MYLK: variants seen among roughly 807,000 people sequenced by gnomAD.
MYLK encodes the protein myosin light chain kinase.
Under a neutral mutation model 203.4 loss-of-function variants are expected in MYLK, and 106 were observed. The ratio of observed to expected loss-of-function variants is 0.52; its 90% CI spans 0.45 to 0.61. The LOEUF (loss-of-function observed/expected upper bound fraction) is 0.61, where lower values mean the gene tolerates loss of function less well. MYLK is among the 20% of genes least tolerant of loss of function. The pLI, the probability that MYLK is intolerant of heterozygous loss-of-function variation, is 0.00. For synonymous variants in MYLK, 867 were observed against 959.5 expected (o/e 0.90, Z 1.78); for missense variants, 2,072 against 2,442.3 (o/e 0.85, Z 3.20).
chr3:123,640,147 G>C lies in MYLK; in HGVS notation c.4837+140C>G, dbSNP rs536760847. On this transcript the variant is annotated intron_variant, in intron 28 of 33. Transcript: ENST00000360304. This position sits in a 1 kb window ranked among gnomAD's most constrained non-coding sequence, Gnocchi z 4.3. The stretch of plus-strand genomic sequence containing the variant: ...TTACTGTCACGTCTAGTATGTGGTA[G>C]GGGCAGGATTCAAACCTGGGAAGTC... 67 of 769,712 alleles carry C rather than the reference G, an allele frequency of 8.7e-5. No individual in the cohort carries two copies. The highest frequency in any genetic ancestry group is 4.7e-4 in the Admixed American group (23 of 49,374). The allele number at this position is 769,712 out of a possible 1,614,324, so 47.7% of individuals were successfully genotyped here. A position where few individuals can be genotyped will look rare whatever the true frequency, so the allele number is the denominator to read the frequency against.
At chr3:123,769,067 C>T (rs2063793051) in intron 4 of MYLK, among the ~76,000 whole-genome samples, 1 of 152,176 alleles carries the variant, frequency 6.6e-6, no homozygotes. Flanking sequence ...ACAGTTCAGA[C>T]TACTTAAAAT....
chr3:123,740,417 C>A (rs576228278), intron 5 of MYLK, among the ~76,000 whole-genome samples: 1 of 152,210 alleles, frequency 6.6e-6, no homozygotes, highest in African/African-American at 2.4e-5. Flanking sequence ...CTCTCCAGAA[C>A]ATTTTCTCAG....
At chr3:123,777,988 G>A (rs533413176) in intron 4 of MYLK, among the ~76,000 whole-genome samples, 32 of 152,208 alleles carry the variant, frequency 2.1e-4, no homozygotes, top group African/African-American at 7.7e-4. Context: ...ACTGTACAGT[G>A]CTTATTTCTG....
chr3:123,735,732 A>C, intron 8 of MYLK: 2 of 363,474 alleles, frequency 5.5e-6, no homozygotes, highest in East Asian at 4.8e-5. Flanking sequence ...AAAATTCCAA[A>C]CCCAAATGCT....
intron 3 of MYLK, among the ~76,000 whole-genome samples, chr3:123,820,696 T>C (rs1003266512): frequency 6.6e-6 from 1 of 150,826 alleles, no homozygotes; most frequent in Non-Finnish European, 1.5e-5. Context: ...CCCTCCTTCC[T>C]TCCTTCCTTC....
intron 20 of MYLK, among the ~76,000 whole-genome samples, chr3:123,678,153 C>T (rs1411751380): frequency 5.9e-5 from 9 of 151,950 alleles, no homozygotes; most frequent in African/African-American, 1.9e-4. Context: ...TCCTAAGGTG[C>T]TCCCAGTGCA....
chr3:123,795,688 G>A (rs889202246), intron 3 of MYLK, among the ~76,000 whole-genome samples: 2 of 152,218 alleles, frequency 1.3e-5, no homozygotes, highest in Admixed American at 6.5e-5. Flanking sequence ...TCCAAGTGCA[G>A]GTGGGGACAG....
intron 16 of MYLK, among the ~76,000 whole-genome samples, chr3:123,702,057 G>A (rs149750624): frequency 0.021 from 3,199 of 152,312 alleles, 116 homozygotes; most frequent in African/African-American, 0.071. Flanking sequence ...AACCCAACAA[G>A]TGTTTTCCTA....
chr3:123,682,335 A>G lies in MYLK; in HGVS notation c.3566-25T>C, dbSNP rs751069575. ...TCTGGAATGAAACAGGTAACAATAAATGTTAGCAGCTGCTGAGGAAATGAG... is the reference window on the plus strand; with the variant it reads ...TCTGGAATGAAACAGGTAACAATAAGTGTTAGCAGCTGCTGAGGAAATGAG... On this transcript the variant is annotated intron_variant, in intron 19 of 33. Coordinates refer to ENST00000360304, the MANE Select transcript of MYLK (RefSeq NM_053025.4). The G allele has an allele frequency of 2.6e-6, 4 of 1,545,712 alleles. No individual in the cohort carries two copies. In the African/African-American group the frequency reaches 5.4e-5, roughly 21 times the overall value.
intron 3 of MYLK, among the ~76,000 whole-genome samples, chr3:123,812,849 A>G (rs1383892081): frequency 6.6e-6 from 1 of 152,166 alleles, no homozygotes; most frequent in Non-Finnish European, 1.5e-5. Context: ...AGTGCTCCCA[A>G]GATGTCCAGC....
intron 4 of MYLK, among the ~76,000 whole-genome samples, chr3:123,789,659 C>CAAA (rs745766578): frequency 8.9e-5 from 7 of 78,692 alleles, no homozygotes; most frequent in Non-Finnish European, 1.3e-4. Context: ...GCTGGCAAAG[C>CAAA]AAAAAAAAAA....
rs778090693 is a variant in MYLK at position 123,707,811 on chromosome 3, G to T, written c.2333C>A (p.Thr778Asn). 1.9e-6 allele frequency: 3 copies of T among 1,614,092 alleles called. No individual in the cohort carries two copies. The highest frequency in any genetic ancestry group is 2.5e-6 in the Non-Finnish European group (3 of 1,180,042). Residue 778 changes from threonine to asparagine, a missense_variant, in exon 16 of 34, where the codon ACC becomes AAC. Around this residue, in one of 3 missense-constraint regions of MYLK, gnomAD observed 865 missense variants for 1,016.0 expected, o/e 0.85. Coordinates refer to ENST00000360304, the MANE Select transcript of MYLK (RefSeq NM_053025.4). ...GGGCTGCACCTTCTTTAGAACCAGG[G>T]TGAACACGTCCTCATTCTGAAGCAC... Reference protein sequence around the residue: ...FEVLQNEDVFTLVLKKVQPWH... With the variant: ...FEVLQNEDVFNLVLKKVQPWH...
intron 4 of MYLK, among the ~76,000 whole-genome samples, chr3:123,752,755 T>C (rs1232792585): frequency 6.6e-6 from 1 of 152,058 alleles, no homozygotes; most frequent in Non-Finnish European, 1.5e-5. Context: ...GCATCCTGGG[T>C]CCAGAATCCA....
chr3:123,848,850 A>T, intron 2 of MYLK, among the ~76,000 whole-genome samples: 1 of 152,236 alleles, frequency 6.6e-6, no homozygotes, highest in South Asian at 2.1e-4. Flanking sequence ...GACTACCTCG[A>T]AACTTCTTGT....
chr3:123,875,765 A>C (rs2033111737), intron 2 of MYLK, among the ~76,000 whole-genome samples: 1 of 152,220 alleles, frequency 6.6e-6, no homozygotes, highest in Non-Finnish European at 1.5e-5. Context: ...ATCATTTGTC[A>C]AACAATGGAA....
At chr3:123,807,665 A>G (rs2065418495) in intron 3 of MYLK, among the ~76,000 whole-genome samples, 1 of 152,228 alleles carries the variant, frequency 6.6e-6, no homozygotes, top group Non-Finnish European at 1.5e-5. Flanking sequence ...GAGACCATGC[A>G]TACTGGCAAA....
intron 19 of MYLK, among the ~76,000 whole-genome samples, chr3:123,684,765 G>A (rs1161811111): frequency 5.3e-5 from 8 of 152,172 alleles, no homozygotes; most frequent in African/African-American, 1.9e-4. Context: ...TGAATTCCTG[G>A]CCTCAGGTGA....
intron 5 of MYLK, among the ~76,000 whole-genome samples, chr3:123,742,305 C>T (rs756139965): frequency 4.6e-5 from 7 of 152,126 alleles, no homozygotes; most frequent in Admixed American, 1.3e-4. Flanking sequence ...TTGTTAAATA[C>T]ATTTTGTGCA....
At chr3:123,816,333 C>T (rs966485074) in intron 3 of MYLK, among the ~76,000 whole-genome samples, 13 of 152,226 alleles carry the variant, frequency 8.5e-5, no homozygotes, top group Non-Finnish European at 4.4e-5. Context: ...AGCTCATGTC[C>T]TCCCTATAAT....
Sources: allele counts gnomAD v4.1 joint callset (sites outside exome capture counted in the v4.1 genomes callset), GRCh38; gene constraint gnomAD v4.1.1; regional missense constraint gnomAD v4.1.1; non-coding constraint Gnocchi (gnomAD v3.1); transcripts MANE v1.5; gene names NCBI Gene and HGNC (gene_info 2026-07-23, HGNC 2026-07-21).